SLC14A2: variants seen among roughly 807,000 people sequenced by gnomAD.
SLC14A2 encodes the protein urea transporter 2.
A neutral mutation model predicts 104.6 loss-of-function variants in SLC14A2; 91 were observed. The observed-to-expected ratio is 0.87, with a 90% confidence interval of 0.73 to 1.04. The LOEUF is 1.04. Among genes scored for constraint, SLC14A2 ranks in the 50% least tolerant of loss-of-function variants. SLC14A2 has a pLI of 0.00. For synonymous variants in SLC14A2, 476 were observed against 466.4 expected, an observed-to-expected ratio of 1.02 and a Z score of -0.27; for missense variants, 1,189 against 1,156.0, an observed-to-expected ratio of 1.03 and a Z score of -0.41.
At chr18:45,673,967 G>A in intron 18 of SLC14A2, 150 bp downstream of exon 18, 2 of 887,400 alleles carry the variant, frequency 2.3e-6, no homozygotes, top group Non-Finnish European at 3.4e-6. Context: ...GAAGACGGTG[G>A]TGGAGGTTTG....
At chr18:45,663,593 A>T (rs907262851) in intron 10 of SLC14A2, among the ~76,000 whole-genome samples, 192 bp from the exon 11 acceptor site, 1 of 152,194 alleles carries the variant, frequency 6.6e-6, no homozygotes, top group Non-Finnish European at 1.5e-5. Context: ...GGGGAGAGGA[A>T]GTAGAAGTTT....
intron 1 of SLC14A2, among the ~76,000 whole-genome samples, chr18:45,346,734 G>A (rs926762613): frequency 6.6e-6 from 1 of 151,906 alleles, no homozygotes; most frequent in Non-Finnish European, 1.5e-5. Flanking sequence ...TCGAGACCTG[G>A]CCAACATGAT....
At chr18:45,322,402 T>C (rs1210407391) in intron 1 of SLC14A2, among the ~76,000 whole-genome samples, 1 of 152,196 alleles carries the variant, frequency 6.6e-6, no homozygotes, top group Non-Finnish European at 1.5e-5. Flanking sequence ...AAAAAAACAT[T>C]TCCAAGGACA....
At chr18:45,390,719 C>T (rs2085951679) in intron 1 of SLC14A2, among the ~76,000 whole-genome samples, 1 of 152,154 alleles carries the variant, frequency 6.6e-6, no homozygotes, top group Non-Finnish European at 1.5e-5. Flanking sequence ...GGAATGATCA[C>T]AATTGCTACC....
chr18:45,241,554 C>T (rs1355407232), intron 1 of SLC14A2, among the ~76,000 whole-genome samples: 1 of 152,030 alleles, frequency 6.6e-6, no homozygotes, highest in Non-Finnish European at 1.5e-5. Flanking sequence ...AGGCAACAGC[C>T]AGCAGAGGCT....
intron 1 of SLC14A2, among the ~76,000 whole-genome samples, chr18:45,256,715 C>T (rs1599618917): frequency 6.6e-6 from 1 of 152,202 alleles, no homozygotes; most frequent in African/African-American, 2.4e-5. Flanking sequence ...CTTGCTATCA[C>T]CAATTGATGA....
chr18:45,407,716 T>G (rs1197073088), intron 1 of SLC14A2, among the ~76,000 whole-genome samples: 1 of 152,160 alleles, frequency 6.6e-6, no homozygotes, highest in Non-Finnish European at 1.5e-5. Flanking sequence ...TTGGCCTAAT[T>G]TCAATACTGT....
At chr18:45,323,510 T>C (rs557394301) in intron 1 of SLC14A2, among the ~76,000 whole-genome samples, 1 of 152,228 alleles carries the variant, frequency 6.6e-6, no homozygotes, top group Non-Finnish European at 1.5e-5. Flanking sequence ...TCTGACCATA[T>C]TTTTTTTCTC....
intron 2 of SLC14A2, among the ~76,000 whole-genome samples, chr18:45,557,592 A>G (rs556669441): frequency 2.0e-5 from 3 of 152,282 alleles, no homozygotes; most frequent in African/African-American, 7.2e-5. Flanking sequence ...CAGGGTCCCT[A>G]TTCTCAGCTT....
chr18:45,171,152 CAG>C, the SLC14A2 span, among the ~76,000 whole-genome samples: 4 of 152,064 alleles, frequency 2.6e-5, no homozygotes, highest in African/African-American at 4.8e-5. Context: ...AGATAAATAA[CAG>C]ATAATTTTTA....
chr18:45,484,646 G>A (rs2087563573), intron 2 of SLC14A2, among the ~76,000 whole-genome samples: 1 of 152,170 alleles, frequency 6.6e-6, no homozygotes, highest in Non-Finnish European at 1.5e-5. Flanking sequence ...TTCTCCACTG[G>A]AAGTGGTAGG....
the SLC14A2 span, among the ~76,000 whole-genome samples, chr18:45,187,770 T>TA: frequency 1.9e-4 from 29 of 151,286 alleles, no homozygotes; most frequent in African/African-American, 5.3e-4. Context: ...GGTAAAAAAA[T>TA]AAATAAATAA....
intron 2 of SLC14A2, among the ~76,000 whole-genome samples, chr18:45,516,115 A>G (rs945887998): frequency 6.6e-6 from 1 of 152,190 alleles, no homozygotes; most frequent in African/African-American, 2.4e-5. Context: ...TACCAAGCAT[A>G]AGGCTGTGTT....
chr18:45,666,220 G>T lies in SLC14A2; in HGVS notation c.1557+1G>T. 6.2e-7 allele frequency: 1 copy of T among 1,604,102 alleles called. No homozygotes were observed. The highest frequency in any genetic ancestry group is 8.5e-7 in the Non-Finnish European group (1 of 1,170,850). On this transcript the variant is annotated splice_donor_variant, in intron 12 of 19. Transcript: ENST00000255226. LOFTEE classifies it high-confidence loss of function. ...CCGGAAGCCCACAGTCGAGCTGCTTGTGAGTACTGAGTGTCCTGAATCAGG... is the reference window on the plus strand; with the variant it reads ...CCGGAAGCCCACAGTCGAGCTGCTTTTGAGTACTGAGTGTCCTGAATCAGG...
At chr18:45,342,021 G>A (rs1478087892) in intron 1 of SLC14A2, among the ~76,000 whole-genome samples, 1 of 152,182 alleles carries the variant, frequency 6.6e-6, no homozygotes, top group Non-Finnish European at 1.5e-5. Context: ...ATTAAAATAT[G>A]TATTAAATAC....
the SLC14A2 span, among the ~76,000 whole-genome samples, chr18:45,190,675 A>G: frequency 6.6e-6 from 1 of 152,186 alleles, no homozygotes; most frequent in Non-Finnish European, 1.5e-5. Context: ...ATTTCTACCA[A>G]TCCCATGACA....
In SLC14A2 at chr18:45,236,485, A is replaced by G. The variant is rs981090223; in HGVS notation, c.-125+23294A>G. On this transcript the variant is annotated intron_variant, in intron 1 of 20. Coordinates refer to the SLC14A2 transcript ENST00000586448. ...TGTGTATATATACATGTATGTGTGT[A>G]TATATGTGTATATATACATGTATGT... is the stretch of plus-strand genomic sequence containing the variant. 6.4e-5 allele frequency among the ~76,000 whole-genome samples: 6 copies of G among 93,118 alleles called. No individual in the cohort carries two copies. The East Asian group carries it at 8.3e-4, about 13-fold the overall frequency. 61.1% of individuals were successfully genotyped at this position (93,118 alleles called of 152,430 possible).
chr18:45,395,625 G>GAT (rs1644810253), intron 1 of SLC14A2, among the ~76,000 whole-genome samples: 5 of 151,852 alleles, frequency 3.3e-5, no homozygotes, highest in Admixed American at 3.3e-4. Context: ...TTTTACAGAT[G>GAT]AAAAAAATGA....
intron 15 of SLC14A2, among the ~76,000 whole-genome samples, chr18:45,668,812 C>A (rs2046078070): frequency 6.6e-6 from 1 of 152,162 alleles, no homozygotes; most frequent in African/African-American, 2.4e-5. Flanking sequence ...TCTTTTCAAC[C>A]CTCCCCTACC....
Sources: allele counts gnomAD v4.1 joint callset (sites outside exome capture counted in the v4.1 genomes callset), GRCh38; gene constraint gnomAD v4.1.1; transcripts MANE v1.5; gene names NCBI Gene and HGNC (gene_info 2026-07-23, HGNC 2026-07-21).